Variants in MTUS2 observed in about 807,000 individuals in gnomAD.
The protein encoded by MTUS2 is microtubule-associated tumor suppressor candidate 2.
MTUS2 carries 40 observed loss-of-function variants against 114.1 expected under a neutral mutation model. The ratio of observed to expected loss-of-function variants is 0.35; its 90% confidence interval spans 0.27 to 0.46. MTUS2 has a LOEUF of 0.46. Among genes scored for constraint, MTUS2 ranks in the 20% least tolerant of loss-of-function variants. The pLI is 1.00. For missense variants in MTUS2, 1,679 were observed against 1,705.4 expected, an observed-to-expected ratio of 0.98 and a Z score of 0.27; for synonymous variants, 688 against 672.0, an observed-to-expected ratio of 1.02 and a Z score of -0.37.
At chr13:29,282,925 A>G (rs183253262) in intron 6 of MTUS2, among the ~76,000 whole-genome samples, 1 of 152,310 alleles carries the variant, frequency 6.6e-6, no homozygotes, top group East Asian at 1.9e-4. Context: ...TGATTTATTC[A>G]ATCATTCCTT....
chr13:29,441,130 G>C (rs553307138), intron 9 of MTUS2, among the ~76,000 whole-genome samples: 1 of 152,182 alleles, frequency 6.6e-6, no homozygotes, highest in African/African-American at 2.4e-5. Flanking sequence ...AGACTTGCTA[G>C]TGTGTGATCC....
intron 2 of MTUS2, among the ~76,000 whole-genome samples, chr13:28,875,522 GT>G (rs1877879210): frequency 6.6e-6 from 1 of 152,120 alleles, no homozygotes; most frequent in Admixed American, 6.5e-5. Context: ...TCATGTTAAT[GT>G]TTATTTTTAA....
At chr13:29,135,959 T>G (rs935385377) in intron 5 of MTUS2, among the ~76,000 whole-genome samples, 2 of 152,220 alleles carry the variant, frequency 1.3e-5, no homozygotes, top group Non-Finnish European at 2.9e-5. Flanking sequence ...ACCAAAGTTA[T>G]GATAAAACTA....
At position 29,324,647 on chromosome 13, in the gene MTUS2, G is replaced by A. The variant is rs61999322; in HGVS notation, c.2841G>A (p.Thr947=). ...TKKDAQKDQD[T]NKPAVSSPKR... ...AAGATGCTCAGAAAGATCAAGATAC[G>A]AATAAACCTGCTGTTTCATCTCCTA... Residue 947 remains threonine (T), a synonymous_variant, in exon 7 of 16, where the codon ACG becomes ACA. Transcript: ENST00000612955. 1.4e-3 allele frequency: 2,207 copies of A among 1,594,894 alleles called. 29 individuals are homozygous for A. The African/African-American group carries it at 0.026, about 19-fold the overall frequency.
At chr13:29,393,413 C>A (rs7319196) in intron 8 of MTUS2, among the ~76,000 whole-genome samples, 8 of 152,070 alleles carry the variant, frequency 5.3e-5, no homozygotes, top group Admixed American at 5.2e-4. Flanking sequence ...AGCGTCCTCT[C>A]CCAAAATGGA....
chr13:28,828,078 C>T (rs1039365411), intron 1 of MTUS2, among the ~76,000 whole-genome samples: 8 of 152,200 alleles, frequency 5.3e-5, no homozygotes, highest in African/African-American at 1.9e-4. Context: ...CGCTTATCCA[C>T]AACCGTAAAA....
chr13:29,386,961 C>T (rs1157512255), intron 8 of MTUS2, among the ~76,000 whole-genome samples: 4 of 152,282 alleles, frequency 2.6e-5, no homozygotes, highest in Middle Eastern at 3.4e-3. Context: ...AGATTTACCA[C>T]TCTAAGGGTT....
intron 9 of MTUS2, among the ~76,000 whole-genome samples, chr13:29,447,316 G>A (rs1257058741): frequency 1.3e-5 from 2 of 151,294 alleles, no homozygotes; most frequent in Admixed American, 1.3e-4. Context: ...ATGCCACTAC[G>A]GCTCAGTTTT....
chr13:29,318,123 G>C (rs1023947234), intron 6 of MTUS2, among the ~76,000 whole-genome samples: 21 of 152,152 alleles, frequency 1.4e-4, no homozygotes, highest in African/African-American at 5.1e-4. Context: ...CAGATACTTA[G>C]GGGATAAAGT....
intron 4 of MTUS2, among the ~76,000 whole-genome samples, chr13:29,098,569 A>G (rs545848972): frequency 9.0e-4 from 137 of 152,260 alleles, no homozygotes; most frequent in Middle Eastern, 3.4e-3. Context: ...AACAATTTAG[A>G]GACTGGCTTC....
At chr13:29,084,781 A>C (rs866846620) in intron 4 of MTUS2, among the ~76,000 whole-genome samples, 3,235 of 90,830 alleles carry the variant, frequency 0.036, 13 homozygotes, top group Middle Eastern at 0.095. Flanking sequence ...CAGGTGATCC[A>C]CCCCCCCCCC....
At chr13:29,265,771 G>A (rs1474875770) in intron 5 of MTUS2, among the ~76,000 whole-genome samples, 1 of 152,170 alleles carries the variant, frequency 6.6e-6, no homozygotes, top group Non-Finnish European at 1.5e-5. Context: ...GGTTTCATGA[G>A]AACTTATCTC....
intron 7 of MTUS2, among the ~76,000 whole-genome samples, chr13:29,354,515 A>G (rs1232974892): frequency 6.6e-6 from 1 of 152,132 alleles, no homozygotes; most frequent in Non-Finnish European, 1.5e-5. Context: ...ATATGAACAA[A>G]GTGTTTATTG....
At chr13:29,307,108 C>A (rs1899505836) in intron 6 of MTUS2, 1 of 477,980 alleles carries the variant, frequency 2.1e-6, no homozygotes, top group Admixed American at 2.4e-5. Context: ...GTCTGGGGCT[C>A]ACTTGCAGGG....
chr13:28,936,978 TAAAG>T (rs1881936318), intron 2 of MTUS2, among the ~76,000 whole-genome samples: 1 of 152,194 alleles, frequency 6.6e-6, no homozygotes, highest in African/African-American at 2.4e-5. Flanking sequence ...TTTTACTTCT[TAAAG>T]AGAACTGCTG....
At chr13:29,251,526 C>G in intron 5 of MTUS2, among the ~76,000 whole-genome samples, 1 of 152,154 alleles carries the variant, frequency 6.6e-6, no homozygotes, top group East Asian at 1.9e-4. Flanking sequence ...CCTCGACGTT[C>G]TCATCATCCA....
chr13:29,167,148 G>A (rs1446500198), intron 5 of MTUS2, among the ~76,000 whole-genome samples: 1 of 152,220 alleles, frequency 6.6e-6, no homozygotes, highest in Non-Finnish European at 1.5e-5. Flanking sequence ...GCCTAGGCGG[G>A]CGGATCACGA....
chr13:29,204,177 C>G (rs1053873617), intron 5 of MTUS2, among the ~76,000 whole-genome samples: 1 of 152,082 alleles, frequency 6.6e-6, no homozygotes, highest in African/African-American at 2.4e-5. Flanking sequence ...CCAGGCTGGT[C>G]TCAAACTCCT....
intron 4 of MTUS2, among the ~76,000 whole-genome samples, chr13:29,041,780 G>A (rs1207182992): frequency 6.6e-6 from 1 of 152,114 alleles, no homozygotes; most frequent in African/African-American, 2.4e-5. Context: ...TGCTGTTGGT[G>A]TATAGCAGTG....
Sources: gnomAD v4.1 joint callset for allele counts (sites outside exome capture counted in the v4.1 genomes callset) on GRCh38, gnomAD v4.1.1 for gene constraint, MANE v1.5 for transcripts, NCBI Gene and HGNC (gene_info 2026-07-23, HGNC 2026-07-21) for gene names.